Variants in REEP1 observed in about 807,000 individuals in gnomAD.
REEP1 encodes the protein receptor accessory protein 1, also known as receptor expression-enhancing protein 1.
A neutral mutation model predicts 40.3 loss-of-function variants in REEP1; 22 were observed. The observed-to-expected ratio is 0.55, with a 90% CI of 0.39 to 0.78. The LOEUF is 0.78. REEP1 is among the 30% of genes least tolerant of loss of function. The pLI is 0.00. For missense variants in REEP1, 280 were observed against 361.1 expected, an observed-to-expected ratio of 0.78 and a Z score of 1.82; for synonymous variants, 116 against 139.2, an observed-to-expected ratio of 0.83 and a Z score of 1.17.
At chr2:86,228,616 G>A (rs888541347) in intron 6 of REEP1, among the ~76,000 whole-genome samples, 16 of 151,928 alleles carry the variant, frequency 1.1e-4, no homozygotes, top group African/African-American at 3.1e-4. Context: ...CCGCCTTCAC[G>A]CCCAGCTAAT....
intron 1 of REEP1, among the ~76,000 whole-genome samples, chr2:86,316,077 C>T (rs114009594): frequency 0.01 from 1,555 of 152,202 alleles, 27 homozygotes; most frequent in African/African-American, 0.035. Context: ...AGAGTACAGA[C>T]GAGACACCAG....
intron 2 of REEP1, among the ~76,000 whole-genome samples, chr2:86,278,852 T>A (rs1677907591): frequency 6.6e-6 from 1 of 152,236 alleles, no homozygotes; most frequent in Non-Finnish European, 1.5e-5. Flanking sequence ...ATCTTTCTCC[T>A]GCTACCTAGT....
At chr2:86,268,691 A>G (rs1677276067) in intron 2 of REEP1, among the ~76,000 whole-genome samples, 1 of 152,230 alleles carries the variant, frequency 6.6e-6, no homozygotes, top group African/African-American at 2.4e-5. Flanking sequence ...AAGAAGAACA[A>G]CATTGAAAGA....
At chr2:86,271,195 C>CA (rs1212638606) in intron 2 of REEP1, among the ~76,000 whole-genome samples, 3 of 150,192 alleles carry the variant, frequency 2.0e-5, no homozygotes, top group Non-Finnish European at 3.0e-5. Flanking sequence ...CTGTCTCAAA[C>CA]AAAAAAATAA....
intron 1 of REEP1, among the ~76,000 whole-genome samples, chr2:86,318,395 C>CTTTT (rs1558934442): frequency 7.9e-6 from 1 of 126,320 alleles, no homozygotes; most frequent in Admixed American, 9.0e-5. Flanking sequence ...CTTTTCTTTT[C>CTTTT]TTTTCTTTTT....
At chr2:86,294,247 C>T (rs1678867382) in intron 1 of REEP1, among the ~76,000 whole-genome samples, 1 of 152,200 alleles carries the variant, frequency 6.6e-6, no homozygotes, top group Non-Finnish European at 1.5e-5. Flanking sequence ...TAAATATACA[C>T]TACTGACTGT....
chr2:86,301,954 C>G (rs1679271509), intron 1 of REEP1, among the ~76,000 whole-genome samples: 1 of 152,242 alleles, frequency 6.6e-6, no homozygotes, highest in African/African-American at 2.4e-5. Context: ...CAGTCATGAC[C>G]TCCCCCCACC....
At chr2:86,269,530 T>TAAGCCAAAGTA (rs1677322285) in intron 2 of REEP1, among the ~76,000 whole-genome samples, 1 of 152,206 alleles carries the variant, frequency 6.6e-6, no homozygotes, top group South Asian at 2.1e-4. Flanking sequence ...GAATTCTAAC[T>TAAGCCAAAGTA]AAGCCAAAGT....
intron 5 of REEP1, among the ~76,000 whole-genome samples, chr2:86,244,936 G>C (rs1348472529): frequency 1.3e-5 from 2 of 152,256 alleles, no homozygotes. Context: ...CCTGAGGTCA[G>C]GAGTTCAAGA....
chr2:86,227,328 C>G (rs1573996767), intron 7 of REEP1, 35 bp downstream of exon 7: 1 of 1,232,252 alleles, frequency 8.1e-7, no homozygotes, highest in South Asian at 4.1e-5. Flanking sequence ...GAGTGAGAGT[C>G]CAGCACGCTG....
chr2:86,337,924 T>G (rs563611939), upstream of REEP1: 445 of 1,182,594 alleles, frequency 3.8e-4, 7 homozygotes, highest in South Asian at 4.1e-3. The surrounding 1 kb of genome is among the most constrained non-coding windows in gnomAD (Gnocchi z 5.8). Flanking sequence ...GCGGAGAAAC[T>G]GAAGTCCGAA....
intron 1 of REEP1, among the ~76,000 whole-genome samples, chr2:86,335,490 G>A (rs912602952): frequency 1.3e-5 from 2 of 152,164 alleles, no homozygotes; most frequent in African/African-American, 4.8e-5. Flanking sequence ...GAAAGCAACA[G>A]CACATCCCTG....
intron 1 of REEP1, among the ~76,000 whole-genome samples, chr2:86,330,822 G>C (rs1243241587): frequency 6.6e-6 from 1 of 152,140 alleles, no homozygotes; most frequent in African/African-American, 2.4e-5. Context: ...GATGAGCAGA[G>C]TACCCCTGCC....
At chr2:86,287,720 T>A (rs892603765) in intron 1 of REEP1, among the ~76,000 whole-genome samples, 4 of 152,224 alleles carry the variant, frequency 2.6e-5, no homozygotes, top group African/African-American at 4.8e-5. Context: ...GAGAAAACTG[T>A]AACACACAGC....
intron 5 of REEP1, among the ~76,000 whole-genome samples, chr2:86,242,438 G>T (rs1396842644): frequency 1.3e-5 from 2 of 152,152 alleles, no homozygotes; most frequent in African/African-American, 4.8e-5. Flanking sequence ...CATTAGTGCA[G>T]AGGACCCAGG....
At position 86,282,187 on chromosome 2, in the gene REEP1, T is replaced by G. The variant is rs1434743601; in HGVS notation, c.88A>C (p.Lys30Gln). Reference protein sequence around the residue: ...AYYSYKAVKSKDIKEYVKWMM... With the variant: ...AYYSYKAVKSQDIKEYVKWMM... Reference sequence around the variant, plus strand: ...CTACTTACATATTCCTTAATGTCCTTTGATTTCACAGCCTTGTAGGAATAA... The same window carrying G: ...CTACTTACATATTCCTTAATGTCCTGTGATTTCACAGCCTTGTAGGAATAA... Residue 30 changes from lysine (K) to glutamine (Q), a missense_variant, in exon 2 of 9, where the codon AAG becomes CAG. This residue lies in a region of REEP1 where 68 missense variants were observed against 83.7 expected (regional missense o/e 0.81). Transcript: ENST00000538924. The G allele has an allele frequency of 6.2e-7, 1 of 1,610,756 alleles. No homozygotes were observed. Among genetic ancestry groups the G allele is most frequent in the Non-Finnish European group, 8.5e-7 (1 of 1,176,988 alleles).
In REEP1 at chr2:86,315,431, G is replaced by T. The variant is rs147640631; in HGVS notation, c.32+22048C>A. On this transcript the variant is annotated intron_variant, in intron 1 of 8. Transcript: ENST00000538924. Reference sequence around the variant, plus strand: ...ATCATCTGGGGAAGAGACAAGTAATGTCCACCTGTACGACTGCTGCATTAA... The same window carrying T: ...ATCATCTGGGGAAGAGACAAGTAATTTCCACCTGTACGACTGCTGCATTAA... Among the ~76,000 whole-genome samples, 5 of 152,332 alleles carry T rather than the reference G, an allele frequency of 3.3e-5. No homozygotes were observed. In the East Asian group the frequency reaches 7.7e-4, roughly 24 times the overall value.
upstream of REEP1, chr2:86,337,645 G>A (rs1030171783): frequency 1.3e-5 from 14 of 1,057,262 alleles, no homozygotes; most frequent in African/African-American, 2.1e-4. The surrounding 1 kb of genome is among the most constrained non-coding windows in gnomAD (Gnocchi z 5.8). Context: ...CCGCCGCCCT[G>A]CCCGGCGTTC....
intron 3 of REEP1, among the ~76,000 whole-genome samples, chr2:86,255,548 G>A (rs961354078): frequency 1.3e-5 from 2 of 152,250 alleles, no homozygotes; most frequent in South Asian, 2.1e-4. Context: ...GTCCCTGTAC[G>A]TGCCAGCTTG....
Sources: allele counts gnomAD v4.1 joint callset (sites outside exome capture counted in the v4.1 genomes callset), GRCh38; gene constraint gnomAD v4.1.1; regional missense constraint gnomAD v4.1.1; non-coding constraint Gnocchi (gnomAD v3.1); transcripts MANE v1.5; gene names NCBI Gene and HGNC (gene_info 2026-07-23, HGNC 2026-07-21).